Variants in HS6ST3 observed in about 807,000 individuals in gnomAD.
HS6ST3 encodes heparan-sulfate 6-O-sulfotransferase 3.
HS6ST3 carries 12 observed loss-of-function variants against 36.7 expected under a neutral mutation model. The ratio of observed to expected loss-of-function variants is 0.33; its 90% CI spans 0.21 to 0.53. The LOEUF (loss-of-function observed/expected upper bound fraction) is 0.53. Among genes scored for constraint, HS6ST3 ranks in the 20% least tolerant of loss-of-function variants. The pLI is 0.95. For synonymous variants in HS6ST3, 240 were observed against 257.5 expected, an observed-to-expected ratio of 0.93 and a Z score of 0.65; for missense variants, 584 against 640.9, an observed-to-expected ratio of 0.91 and a Z score of 0.96.
At chr13:96,293,478 A>T (rs1482042282) in intron 1 of HS6ST3, among the ~76,000 whole-genome samples, 1 of 152,142 alleles carries the variant, frequency 6.6e-6, no homozygotes, top group African/African-American at 2.4e-5. Flanking sequence ...ACGTGTGCAT[A>T]TAGACATATA....
chr13:96,399,270 A>G (rs2055437253), intron 1 of HS6ST3, among the ~76,000 whole-genome samples: 2 of 152,228 alleles, frequency 1.3e-5, no homozygotes, highest in Non-Finnish European at 2.9e-5. Context: ...AGTGCTATTC[A>G]TAGTTTTTAA....
intron 1 of HS6ST3, among the ~76,000 whole-genome samples, chr13:96,119,210 T>C (rs2053913449): frequency 6.6e-6 from 1 of 152,014 alleles, no homozygotes; most frequent in Admixed American, 6.6e-5. Context: ...CATATACATA[T>C]AAAATATAAA....
At chr13:96,368,359 A>G (rs1447347908) in intron 1 of HS6ST3, among the ~76,000 whole-genome samples, 1 of 152,190 alleles carries the variant, frequency 6.6e-6, no homozygotes, top group Non-Finnish European at 1.5e-5. Context: ...CATGTTGTAT[A>G]TAAATGCCTA....
chr13:96,359,074 A>T (rs964725982), intron 1 of HS6ST3, among the ~76,000 whole-genome samples: 2 of 152,200 alleles, frequency 1.3e-5, no homozygotes, highest in African/African-American at 4.8e-5. Context: ...CACTCTTTCC[A>T]GTGGATGCTT....
At chr13:96,636,484 A>G (rs1471463936) in intron 1 of HS6ST3, among the ~76,000 whole-genome samples, 2 of 152,162 alleles carry the variant, frequency 1.3e-5, no homozygotes, top group Non-Finnish European at 2.9e-5. Flanking sequence ...CTCTGACTAT[A>G]GAGAAAAGAG....
At chr13:96,645,500 T>G (rs1036685600) in intron 1 of HS6ST3, among the ~76,000 whole-genome samples, 1 of 151,140 alleles carries the variant, frequency 6.6e-6, no homozygotes, top group African/African-American at 2.4e-5. Flanking sequence ...ATTCACGTAT[T>G]CCACCGAGGT....
intron 1 of HS6ST3, among the ~76,000 whole-genome samples, chr13:96,730,594 G>T (rs1272697846): frequency 6.6e-6 from 1 of 152,064 alleles, no homozygotes; most frequent in South Asian, 2.1e-4. Flanking sequence ...TTGAGACAGG[G>T]TCTCACCCTG....
chr13:96,657,732 A>G (rs558526159), intron 1 of HS6ST3, among the ~76,000 whole-genome samples: 1 of 152,274 alleles, frequency 6.6e-6, no homozygotes, highest in Admixed American at 6.5e-5. Flanking sequence ...GGAACCTTAC[A>G]TGGCAGCAGA....
intron 1 of HS6ST3, among the ~76,000 whole-genome samples, chr13:96,161,678 C>G (rs2054136430): frequency 6.6e-6 from 1 of 152,182 alleles, no homozygotes; most frequent in South Asian, 2.1e-4. Context: ...TCCCTTCCCA[C>G]ACAAAACTCA....
At chr13:96,652,042 T>A (rs1216482845) in intron 1 of HS6ST3, among the ~76,000 whole-genome samples, 4 of 152,094 alleles carry the variant, frequency 2.6e-5, no homozygotes, top group African/African-American at 9.7e-5. Flanking sequence ...ATGACAAATG[T>A]GTATATACAT....
chr13:96,150,964 A>G (rs936710783), intron 1 of HS6ST3, among the ~76,000 whole-genome samples: 3 of 152,172 alleles, frequency 2.0e-5, no homozygotes, highest in Admixed American at 6.5e-5. Context: ...TGGATGGCAA[A>G]TCTATTACTA....
chr13:96,255,486 G>C (rs1047622467), intron 1 of HS6ST3, among the ~76,000 whole-genome samples: 1 of 152,092 alleles, frequency 6.6e-6, no homozygotes, highest in African/African-American at 2.4e-5. Context: ...TAAGAATTAA[G>C]ACCATGCGAT....
At chr13:96,179,088 A>G (rs575963223) in intron 1 of HS6ST3, among the ~76,000 whole-genome samples, 1 of 152,210 alleles carries the variant, frequency 6.6e-6, no homozygotes, top group African/African-American at 2.4e-5. Context: ...ACCAGACTCC[A>G]CTAAGTAGTA....
At chr13:96,510,663 G>A (rs1404658024) in intron 1 of HS6ST3, among the ~76,000 whole-genome samples, 6 of 152,078 alleles carry the variant, frequency 3.9e-5, no homozygotes. Context: ...AGAATGGATT[G>A]TTCCTGCTCC....
intron 1 of HS6ST3, among the ~76,000 whole-genome samples, chr13:96,423,168 A>G (rs958141656): frequency 2.6e-5 from 4 of 152,188 alleles, no homozygotes; most frequent in African/African-American, 9.6e-5. Flanking sequence ...CTCCTTAAGA[A>G]TGAGGGTCCC....
At chr13:96,516,900 T>G (rs1004628097) in intron 1 of HS6ST3, among the ~76,000 whole-genome samples, 1 of 152,186 alleles carries the variant, frequency 6.6e-6, no homozygotes. Flanking sequence ...CTGGTTCAGT[T>G]GGTTTTGGTT....
intron 1 of HS6ST3, among the ~76,000 whole-genome samples, chr13:96,235,434 G>A (rs182325414): frequency 6.6e-6 from 1 of 152,292 alleles, no homozygotes; most frequent in African/African-American, 2.4e-5. Context: ...AAAGCGGAAT[G>A]CAGGCTGCTT....
intron 1 of HS6ST3, among the ~76,000 whole-genome samples, chr13:96,329,059 G>A (rs1427624379): frequency 6.7e-6 from 1 of 150,168 alleles, no homozygotes; most frequent in Non-Finnish European, 1.5e-5. Context: ...GCATCTATTT[G>A]ATTCTTCTCT....
chr13:96,501,657 C>T (rs533178819), intron 1 of HS6ST3, among the ~76,000 whole-genome samples: 7 of 152,308 alleles, frequency 4.6e-5, no homozygotes, highest in Admixed American at 2.0e-4. Context: ...TTTCTTCTAC[C>T]CTGAATGCTG....
Sources: allele counts gnomAD v4.1 joint callset (sites outside exome capture counted in the v4.1 genomes callset), GRCh38; gene constraint gnomAD v4.1.1; transcripts MANE v1.5; gene names NCBI Gene and HGNC (gene_info 2026-07-23, HGNC 2026-07-21).